PDXDC1: variants seen among roughly 807,000 people sequenced by gnomAD.
PDXDC1 encodes pyridoxal dependent decarboxylase domain containing 1, also known as pyridoxal-dependent decarboxylase domain-containing protein 1.
PDXDC1 carries 42 observed loss-of-function variants against 100.1 expected under a neutral mutation model. The observed-to-expected ratio is 0.42, with a 90% CI of 0.33 to 0.54. PDXDC1 has a LOEUF of 0.54. PDXDC1 is among the 20% of genes least tolerant of loss of function. The probability of loss-of-function intolerance (pLI) is 0.10; values close to 1 mark genes in which losing one functional copy is unlikely to be tolerated. For missense variants in PDXDC1, 636 were observed against 979.2 expected (o/e 0.65, Z 4.68); for synonymous variants, 260 against 371.7 (o/e 0.70, Z 3.46).
chr16:15,131,578 G>C, intron 16 of PDXDC1: 1 of 1,606,278 alleles, frequency 6.2e-7, no homozygotes. Flanking sequence ...GCGGGAGCGC[G>C]TGAGGATGCG....
the PDXDC1 span, among the ~76,000 whole-genome samples, chr16:15,148,569 G>A: frequency 6.7e-6 from 1 of 150,088 alleles, no homozygotes; most frequent in Non-Finnish European, 1.5e-5. Flanking sequence ...ATTTTTTAGA[G>A]ACCGGGGTCT....
chr16:15,128,196 C>A (rs2047854054), intron 16 of PDXDC1: 1 of 1,610,848 alleles, frequency 6.2e-7, no homozygotes, highest in Non-Finnish European at 8.5e-7. Flanking sequence ...GGCAGAGGGG[C>A]AGAGCTTGGC....
intron 16 of PDXDC1, among the ~76,000 whole-genome samples, chr16:15,067,930 A>T (rs1350190553): frequency 6.6e-6 from 1 of 151,646 alleles, no homozygotes; most frequent in Non-Finnish European, 1.5e-5. Flanking sequence ...GCTAATTTTT[A>T]AAATTTTTTT....
intron 16 of PDXDC1, chr16:15,094,767 C>G (rs1036571679): frequency 6.3e-6 from 1 of 157,706 alleles, no homozygotes; most frequent in African/African-American, 2.4e-5. Context: ...AGCCTCAAGG[C>G]TATGGTGATG....
At chr16:15,102,420 C>A (rs963164988) in intron 16 of PDXDC1, among the ~76,000 whole-genome samples, 31 of 151,662 alleles carry the variant, frequency 2.0e-4, no homozygotes, top group Non-Finnish European at 4.0e-4. Context: ...GCCTAAGGGT[C>A]AATGGGCAGA....
intron 8 of PDXDC1, 31 bp from the exon 9 acceptor site, chr16:15,016,098 C>G: frequency 6.2e-7 from 1 of 1,614,064 alleles, no homozygotes; most frequent in Non-Finnish European, 8.5e-7. Flanking sequence ...AACATTTGTT[C>G]CTTTTAATGC....
Position 15,131,422 on chromosome 16 carries a change from G to C in PDXDC1, c.1400-7457G>C. The C allele has an allele frequency of 1.9e-6, 3 of 1,607,838 alleles. No individual in the cohort carries two copies. The South Asian group carries it at 3.3e-5, about 18-fold the overall frequency. ...CTGCACCACGTCACTGAGGTTAGCCGGGGCCCTGCTGAAAGCCTAGGGGAT... is the reference window on the plus strand; with the variant it reads ...CTGCACCACGTCACTGAGGTTAGCCCGGGCCCTGCTGAAAGCCTAGGGGAT... On this transcript the variant is annotated intron_variant, in intron 16 of 16. Transcript: ENST00000535621.
At chr16:15,061,938 AC>A in intron 16 of PDXDC1, 1 of 1,578,394 alleles carries the variant, frequency 6.3e-7, no homozygotes, top group Non-Finnish European at 8.7e-7. Context: ...CAGTAACATC[AC>A]CAGTGCTGAC....
chr16:15,077,035 A>G (rs1457814446), intron 16 of PDXDC1, among the ~76,000 whole-genome samples: 1 of 150,048 alleles, frequency 6.7e-6, no homozygotes, highest in Non-Finnish European at 1.5e-5. Flanking sequence ...GCTGGAATAC[A>G]ATGGCAAGAT....
Position 15,071,465 on chromosome 16 carries a change from T to C in PDXDC1, c.1399+41409T>C, listed in dbSNP as rs1468052231. ...TAATCCAGTGGATCCCAAACCTAGCTAAGCATCACAATCAACCCGGGGCCA... is the reference window on the plus strand; with the variant it reads ...TAATCCAGTGGATCCCAAACCTAGCCAAGCATCACAATCAACCCGGGGCCA... On this transcript the variant is annotated intron_variant, in intron 16 of 16. Transcript: ENST00000535621. Among the ~76,000 whole-genome samples the C allele has an allele frequency of 3.3e-5, 5 of 152,168 alleles. No individual in the cohort carries two copies. In the East Asian group the frequency reaches 9.6e-4, roughly 29 times the overall value.
intron 1 of PDXDC1, among the ~76,000 whole-genome samples, chr16:14,987,086 G>A (rs986674823): frequency 6.6e-6 from 1 of 152,328 alleles, no homozygotes; most frequent in African/African-American, 2.4e-5. Context: ...TTAAGAGTTG[G>A]TGGAAAAAGG....
chr16:15,015,450 C>G (rs933079908), intron 8 of PDXDC1, among the ~76,000 whole-genome samples: 2 of 152,124 alleles, frequency 1.3e-5, no homozygotes, highest in Admixed American at 1.3e-4. Context: ...GGCACGGTGG[C>G]TCATGCTTAT....
intron 16 of PDXDC1, among the ~76,000 whole-genome samples, chr16:15,077,513 G>A (rs1262122701): frequency 2.6e-5 from 4 of 152,036 alleles, no homozygotes; most frequent in East Asian, 3.9e-4. Flanking sequence ...TGATTCTGAG[G>A]CCTCCCCAGC....
chr16:14,994,379 C>T (rs1225462143), intron 1 of PDXDC1, among the ~76,000 whole-genome samples: 1 of 152,296 alleles, frequency 6.6e-6, no homozygotes, highest in South Asian at 2.1e-4. Flanking sequence ...TTTCCCAGCA[C>T]CATTTATTAA....
chr16:15,131,425 G>A (rs1567309374), intron 16 of PDXDC1: 10 of 1,607,708 alleles, frequency 6.2e-6, no homozygotes, highest in Non-Finnish European at 7.6e-6. Context: ...GTTAGCCGGG[G>A]CCCTGCTGAA....
At chr16:15,076,996 T>TTTA (rs2045486545) in intron 16 of PDXDC1, among the ~76,000 whole-genome samples, 3 of 151,164 alleles carry the variant, frequency 2.0e-5, no homozygotes, top group Admixed American at 6.6e-5. Context: ...TTTTTTTTTT[T>TTTA]GAGGCAGAGT....
Position 15,036,164 on chromosome 16 carries a change from C to A in PDXDC1, c.2256C>A (p.His752Gln), listed in dbSNP as rs761138624. 15 of 1,614,148 alleles carry A rather than the reference C, an allele frequency of 9.3e-6. 1 individual carries two copies. Among genetic ancestry groups the A allele is most frequent in the Non-Finnish European group, 1.3e-5 (15 of 1,180,032 alleles). Residue 752 changes from histidine to glutamine, a missense_variant, in exon 23 of 23, where the codon CAC (histidine) becomes CAA (glutamine). Physicochemically the swap from His to Gln is conservative, Grantham distance 24. Around this residue, in one of 4 missense-constraint regions of PDXDC1, gnomAD observed 452 missense variants for 402.9 expected, o/e 1.12. Transcript: ENST00000396410. Reference sequence around the variant, plus strand: ...TCGAGGCCAGCAGCACTGAGGGACACCCAGGGGCTCCCAGCCCTCAGCACA... The same window carrying A: ...TCGAGGCCAGCAGCACTGAGGGACAACCAGGGGCTCCCAGCCCTCAGCACA... The part of the protein sequence containing the change: ...ITLEASSTEG[H>Q]PGAPSPQHTD...
chr16:15,143,863 G>C (rs2048512575), downstream of PDXDC1, among the ~76,000 whole-genome samples: 2 of 152,204 alleles, frequency 1.3e-5, no homozygotes, highest in African/African-American at 2.4e-5. Flanking sequence ...CTGGGGGCCG[G>C]ACGGAGCCCC....
chr16:15,101,405 C>T (rs2046543851), intron 16 of PDXDC1, among the ~76,000 whole-genome samples: 1 of 152,170 alleles, frequency 6.6e-6, no homozygotes, highest in Non-Finnish European at 1.5e-5. Flanking sequence ...CAAACTCTGC[C>T]TCCAAGATGC....
Sources: allele counts gnomAD v4.1 joint callset (sites outside exome capture counted in the v4.1 genomes callset), GRCh38; gene constraint gnomAD v4.1.1; regional missense constraint gnomAD v4.1.1; transcripts MANE v1.5; gene names NCBI Gene and HGNC (gene_info 2026-07-23, HGNC 2026-07-21).